The following RBFOX1 variants were observed in gnomAD, a reference collection of about 807,000 sequenced individuals.
RBFOX1 encodes the protein RNA binding protein fox-1 homolog 1.
In RBFOX1, 8 loss-of-function variants were observed where a neutral mutation model predicts 57.7. The observed-to-expected ratio is 0.14, with a 90% CI of 0.08 to 0.25. The LOEUF (loss-of-function observed/expected upper bound fraction) is 0.25. Among genes scored for constraint, RBFOX1 ranks in the 10% least tolerant of loss-of-function variants. The pLI is 1.00. For missense variants in RBFOX1, 611 were observed against 548.5 expected (o/e 1.11, Z -1.14); for synonymous variants, 326 against 222.4 (o/e 1.47, Z -4.15).
chr16:5,992,078 C>A (rs2060409794), intron 4 of RBFOX1, among the ~76,000 whole-genome samples: 1 of 151,954 alleles, frequency 6.6e-6, no homozygotes, highest in Admixed American at 6.6e-5. Context: ...GAGAGATGAA[C>A]TGTAAAAATC....
intron 4 of RBFOX1, among the ~76,000 whole-genome samples, chr16:7,402,061 G>T (rs2098253095): frequency 6.6e-6 from 1 of 152,058 alleles, no homozygotes; most frequent in African/African-American, 2.4e-5. Flanking sequence ...ATGATGCAGA[G>T]TGTCATGTTC....
intron 3 of RBFOX1, among the ~76,000 whole-genome samples, chr16:6,951,494 G>GT (rs2080754100): frequency 6.6e-6 from 1 of 152,114 alleles, no homozygotes; most frequent in Non-Finnish European, 1.5e-5. Context: ...GTCTGGGGTG[G>GT]TTTTTTACTC....
chr16:7,148,488 C>G (rs1488668838), intron 4 of RBFOX1, among the ~76,000 whole-genome samples: 1 of 152,184 alleles, frequency 6.6e-6, no homozygotes, highest in Non-Finnish European at 1.5e-5. Flanking sequence ...ATCTTTTTCA[C>G]ACGCCGGCAG....
chr16:5,526,728 C>T (rs996643998), intron 2 of RBFOX1, among the ~76,000 whole-genome samples: 14 of 152,158 alleles, frequency 9.2e-5, no homozygotes, highest in Non-Finnish European at 1.8e-4. Flanking sequence ...GCCCCTCTCC[C>T]CCAGCCTGCA....
chr16:6,151,048 A>G (rs2096794018), intron 1 of RBFOX1, among the ~76,000 whole-genome samples: 1 of 152,160 alleles, frequency 6.6e-6, no homozygotes, highest in African/African-American at 2.4e-5. Flanking sequence ...TATGAAATCT[A>G]CAAGATCCTA....
chr16:6,120,392 C>T (rs1009331023), intron 1 of RBFOX1, among the ~76,000 whole-genome samples: 2 of 152,202 alleles, frequency 1.3e-5, no homozygotes, highest in African/African-American at 2.4e-5. Flanking sequence ...ACATTTCCAT[C>T]AGCAATGTTG....
chr16:5,701,031 C>T (rs978422220), intron 3 of RBFOX1, among the ~76,000 whole-genome samples: 1 of 152,320 alleles, frequency 6.6e-6, no homozygotes, highest in African/African-American at 2.4e-5. Flanking sequence ...TGCAAATATG[C>T]TGTGTTCTTG....
chr16:7,077,266 G>C (rs531499710), intron 4 of RBFOX1, among the ~76,000 whole-genome samples: 2 of 152,340 alleles, frequency 1.3e-5, no homozygotes, highest in East Asian at 1.9e-4. Context: ...GCAAGGTACT[G>C]TTAGCCCCAC....
intron 2 of RBFOX1, among the ~76,000 whole-genome samples, chr16:6,540,867 C>G (rs2096805677): frequency 6.6e-6 from 1 of 152,080 alleles, no homozygotes; most frequent in South Asian, 2.1e-4. Flanking sequence ...TTGTATTCAT[C>G]ATATTTCTCC....
chr16:7,308,697 A>G (rs957861901), intron 4 of RBFOX1, among the ~76,000 whole-genome samples: 6 of 152,198 alleles, frequency 3.9e-5, no homozygotes, highest in Non-Finnish European at 1.5e-5. Context: ...CCTGCATATC[A>G]ACCCTTTCTG....
chr16:6,948,543 C>A (rs1030676279), intron 3 of RBFOX1, among the ~76,000 whole-genome samples: 2 of 151,740 alleles, frequency 1.3e-5, no homozygotes, highest in Non-Finnish European at 2.9e-5. Flanking sequence ...CCACCATGCC[C>A]AGCTAATTTT....
At chr16:7,193,313 C>G (rs2085881656) in intron 4 of RBFOX1, among the ~76,000 whole-genome samples, 3 of 152,150 alleles carry the variant, frequency 2.0e-5, no homozygotes, top group South Asian at 2.1e-4. Flanking sequence ...CCGCTAGAGT[C>G]TAGAAAAGGC....
intron 14 of RBFOX1, among the ~76,000 whole-genome samples, chr16:7,703,186 A>G (rs2081331130): frequency 6.6e-6 from 1 of 152,198 alleles, no homozygotes; most frequent in Non-Finnish European, 1.5e-5. Context: ...CAAATACTTA[A>G]GACTATGCCT....
At chr16:5,920,823 C>A (rs2058804843) in intron 4 of RBFOX1, among the ~76,000 whole-genome samples, 2 of 152,132 alleles carry the variant, frequency 1.3e-5, no homozygotes, top group African/African-American at 4.8e-5. Flanking sequence ...TTTAAAAATC[C>A]TTCGAAAGGA....
chr16:5,373,859 C>T (rs570560120), intron 1 of RBFOX1, among the ~76,000 whole-genome samples: 19 of 152,320 alleles, frequency 1.2e-4, no homozygotes, highest in African/African-American at 4.1e-4. Flanking sequence ...CTGCCGTGGC[C>T]TCCCAAAGTG....
intron 4 of RBFOX1, among the ~76,000 whole-genome samples, chr16:7,448,737 A>G (rs1447891321): frequency 6.6e-6 from 1 of 152,024 alleles, no homozygotes; most frequent in African/African-American, 2.4e-5. Flanking sequence ...CATTACTCCA[A>G]TCTCTGCCTG....
rs1025123862 is a variant in RBFOX1, at chr16:7,565,495, C to A, written c.271-14282C>A. ...CCATGCTCTGCCCTGCTATTCTCTG[C>A]AGACTGAGAGAGGGGGACCGTGGAC... On this transcript the variant is annotated intron_variant, in intron 5 of 15. Coordinates refer to ENST00000550418, the MANE Select transcript of RBFOX1 (RefSeq NM_018723.4). 5.6e-4 allele frequency among the ~76,000 whole-genome samples: 85 copies of A among 152,170 alleles called. 1 individual carries two copies. Among genetic ancestry groups the A allele is most frequent in the Non-Finnish European group, 1.5e-4 (10 of 68,046 alleles).
intron 3 of RBFOX1, among the ~76,000 whole-genome samples, chr16:5,726,588 A>C (rs1182764920): frequency 6.6e-6 from 1 of 152,180 alleles, no homozygotes; most frequent in African/African-American, 2.4e-5. Flanking sequence ...GCAGCCTCAG[A>C]AAGGAATCTG....
chr16:5,501,760 C>G (rs117244696), intron 2 of RBFOX1, among the ~76,000 whole-genome samples: 5,663 of 152,278 alleles, frequency 0.037, 158 homozygotes, highest in Non-Finnish European at 0.062. Context: ...GTCACCCAGG[C>G]TGGAGTGTAG....
Sources: gnomAD v4.1 joint callset for allele counts (sites outside exome capture counted in the v4.1 genomes callset) on GRCh38, gnomAD v4.1.1 for gene constraint, MANE v1.5 for transcripts, NCBI Gene and HGNC (gene_info 2026-07-23, HGNC 2026-07-21) for gene names.